DNAI3: variants seen among roughly 807,000 people sequenced by gnomAD.
The protein encoded by DNAI3 is WD repeat domain 63.
DNAI3 carries 83 observed loss-of-function variants against 115.5 expected under a neutral mutation model. The observed-to-expected ratio is 0.72, with a 90% confidence interval of 0.60 to 0.86. The LOEUF is 0.86. Among genes scored for constraint, DNAI3 ranks in the 40% least tolerant of loss-of-function variants. The pLI, the probability that DNAI3 is intolerant of heterozygous loss-of-function variation, is 0.00. For synonymous variants in DNAI3, 320 were observed against 347.0 expected, an observed-to-expected ratio of 0.92 and a Z score of 0.86; for missense variants, 1,004 against 1,075.8, an observed-to-expected ratio of 0.93 and a Z score of 0.93.
At chr1:85,073,999 A>G (rs1158264019) in intron 3 of DNAI3, among the ~76,000 whole-genome samples, 1 of 152,184 alleles carries the variant, frequency 6.6e-6, no homozygotes, top group East Asian at 1.9e-4. Flanking sequence ...TGCCTGCAGC[A>G]GGATATGCTG....
chr1:85,102,901 A>G (rs1655367777), intron 13 of DNAI3, among the ~76,000 whole-genome samples: 1 of 152,166 alleles, frequency 6.6e-6, no homozygotes, highest in Non-Finnish European at 1.5e-5. Context: ...ATTTTTAGTC[A>G]TTAAAACATA....
intron 17 of DNAI3, among the ~76,000 whole-genome samples, chr1:85,118,845 G>A (rs1655908739): frequency 6.6e-6 from 1 of 152,050 alleles, no homozygotes; most frequent in Non-Finnish European, 1.5e-5. Context: ...TGGAGGTTGA[G>A]AAGGAATCTC....
chr1:85,124,212 T>C lies in DNAI3; in HGVS notation c.2073T>C (p.Val691=), dbSNP rs140358941. The change falls in exon 19 of 23, where the codon GTT becomes GTC. Residue 691 remains valine (V), a synonymous_variant. Coordinates refer to ENST00000294664, the MANE Select transcript of DNAI3 (RefSeq NM_145172.5). ...SPFYNDIILT[V]GGWNVAIWKE... is the part of the protein sequence containing the mutation. ...TCTACAACGACATTATTCTCACGGTTGGAGGTTGGAACGTGGCCATATGGA... is the reference window on the plus strand; with the variant it reads ...TCTACAACGACATTATTCTCACGGTCGGAGGTTGGAACGTGGCCATATGGA... The C allele has an allele frequency of 1.5e-5, 25 of 1,613,720 alleles. No homozygotes were observed. In the African/African-American group the frequency reaches 2.8e-4, roughly 18 times the overall value.
intron 11 of DNAI3, among the ~76,000 whole-genome samples, 182 bp from the exon 12 acceptor site, chr1:85,097,387 G>T (rs1487659093): frequency 6.6e-6 from 1 of 152,148 alleles, no homozygotes; most frequent in Non-Finnish European, 1.5e-5. Context: ...TACTTTTACA[G>T]AGAAGAAAAC....
At chr1:85,118,879 T>C (rs1437478354) in intron 17 of DNAI3, among the ~76,000 whole-genome samples, 2 of 151,858 alleles carry the variant, frequency 1.3e-5, no homozygotes, top group Non-Finnish European at 2.9e-5. Context: ...AGAGTAGAAT[T>C]CCAAGCAGAA....
intron 13 of DNAI3, among the ~76,000 whole-genome samples, chr1:85,102,112 A>G (rs568062046): frequency 3.9e-5 from 6 of 152,332 alleles, no homozygotes; most frequent in Admixed American, 3.9e-4. Context: ...ACAGTTAGAT[A>G]GAAGAAATAA....
chr1:85,104,737 G>C (rs1655434120), intron 14 of DNAI3, 140 bp downstream of exon 14: 1 of 705,628 alleles, frequency 1.4e-6, no homozygotes, highest in Non-Finnish European at 2.3e-6. Flanking sequence ...AGAATGTTAT[G>C]GATTGTTGCT....
intron 22 of DNAI3, among the ~76,000 whole-genome samples, chr1:85,132,406 G>A (rs1276377695): frequency 1.3e-5 from 2 of 152,192 alleles, no homozygotes; most frequent in African/African-American, 4.8e-5. Flanking sequence ...AATAATCACT[G>A]CTCTAGTTGC....
At chr1:85,118,344 T>C (rs988916471) in intron 17 of DNAI3, among the ~76,000 whole-genome samples, 1 of 152,240 alleles carries the variant, frequency 6.6e-6, no homozygotes, top group African/African-American at 2.4e-5. Flanking sequence ...GGACATTTTC[T>C]ATGTATCAGT....
rs1181578929 is a variant in DNAI3, at chr1:85,126,538, G to A, written c.2140G>A (p.Ala714Thr). The A allele has an allele frequency of 6.2e-7, 1 of 1,613,978 alleles. No homozygotes were observed. Among genetic ancestry groups the A allele is most frequent in the East Asian group, 2.2e-5 (1 of 44,868 alleles). The change falls in exon 20 of 23, where the codon GCA (alanine) becomes ACA (threonine). Residue 714 changes from alanine (A) to threonine (T), a missense_variant. Physicochemically the swap from Ala to Thr is moderately conservative, Grantham distance 58. Around this residue, in one of 3 missense-constraint regions of DNAI3, gnomAD observed 429 missense variants for 454.3 expected, o/e 0.94. Coordinates refer to ENST00000294664, the MANE Select transcript of DNAI3 (RefSeq NM_145172.5). Reference protein sequence around the residue: ...MTGPLLQSCCAPKRYTSGHWS... With the variant: ...MTGPLLQSCCTPKRYTSGHWS... ...TGGACCGCTCCTTCAGTCATGCTGT[G>A]CACCAAAAAGGTACACCTCAGGCCA...
At chr1:85,115,390 C>T (rs1312191302) in intron 16 of DNAI3, among the ~76,000 whole-genome samples, 1 of 152,190 alleles carries the variant, frequency 6.6e-6, no homozygotes, top group African/African-American at 2.4e-5. Flanking sequence ...GAATGCATAA[C>T]CACCTGGAAG....
chr1:85,105,528 C>CAAAAAAAAAAA (rs755945527), intron 14 of DNAI3, among the ~76,000 whole-genome samples: 2 of 51,700 alleles, frequency 3.9e-5, no homozygotes, highest in Non-Finnish European at 7.2e-5. Context: ...AACTCTGTCT[C>CAAAAAAAAAAA]AAAAAAAAAA....
chr1:85,066,948 G>GTATT (rs1654119620), intron 1 of DNAI3, among the ~76,000 whole-genome samples: 1 of 152,110 alleles, frequency 6.6e-6, no homozygotes, highest in African/African-American at 2.4e-5. Flanking sequence ...TATAAAAAGT[G>GTATT]TATTATTCAT....
At chr1:85,127,305 T>C (rs1656176892) in intron 20 of DNAI3, among the ~76,000 whole-genome samples, 1 of 152,202 alleles carries the variant, frequency 6.6e-6, no homozygotes, top group Non-Finnish European at 1.5e-5. Context: ...CAAGCATAAA[T>C]TCAATGATGT....
intron 3 of DNAI3, among the ~76,000 whole-genome samples, chr1:85,073,710 G>A (rs1008085476): frequency 8.5e-5 from 13 of 152,176 alleles, no homozygotes; most frequent in Admixed American, 2.0e-4. Context: ...TCTTTTAATC[G>A]TATGGAATGA....
intron 3 of DNAI3, among the ~76,000 whole-genome samples, chr1:85,079,297 T>C (rs548628074): frequency 1.3e-5 from 2 of 152,248 alleles, no homozygotes; most frequent in Non-Finnish European, 2.9e-5. Context: ...CCTTCACTCA[T>C]GAACAACTTG....
At chr1:85,118,439 A>G (rs1430750184) in intron 17 of DNAI3, among the ~76,000 whole-genome samples, 1 of 152,208 alleles carries the variant, frequency 6.6e-6, no homozygotes, top group Non-Finnish European at 1.5e-5. Flanking sequence ...CATTTTATAA[A>G]TGAAGAAATG....
chr1:85,093,320 A>T, intron 8 of DNAI3, 138 bp from the exon 9 acceptor site: 3 of 837,630 alleles, frequency 3.6e-6, no homozygotes, highest in South Asian at 1.9e-5. Flanking sequence ...ACATGAGGTT[A>T]ATCATTATCA....
At chr1:85,116,676 T>G (rs1320177352) in intron 16 of DNAI3, among the ~76,000 whole-genome samples, 1 of 152,218 alleles carries the variant, frequency 6.6e-6, no homozygotes, top group South Asian at 2.1e-4. Flanking sequence ...CTACATGTAT[T>G]ATAAATAATA....
Sources: allele counts gnomAD v4.1 joint callset (sites outside exome capture counted in the v4.1 genomes callset), GRCh38; gene constraint gnomAD v4.1.1; regional missense constraint gnomAD v4.1.1; transcripts MANE v1.5; gene names NCBI Gene and HGNC (gene_info 2026-07-23, HGNC 2026-07-21).